ANGPT1: variants seen among roughly 807,000 people sequenced by gnomAD.
ANGPT1 encodes the protein angiopoietin-1.
Under a neutral mutation model 62.2 loss-of-function variants are expected in ANGPT1, and 17 were observed. The ratio of observed to expected loss-of-function variants is 0.27; its 90% confidence interval spans 0.19 to 0.41. ANGPT1 has a LOEUF of 0.41. Ranked by LOEUF, ANGPT1 falls within the 10% of genes least tolerant of loss-of-function variation. The pLI is 1.00. For missense variants in ANGPT1, 478 were observed against 594.9 expected (o/e 0.80, Z 2.04); for synonymous variants, 199 against 198.9 (o/e 1.00, Z 0.00).
chr8:107,267,240 A>G (rs1172845737), intron 7 of ANGPT1, among the ~76,000 whole-genome samples: 1 of 152,118 alleles, frequency 6.6e-6, no homozygotes, highest in Non-Finnish European at 1.5e-5. Flanking sequence ...GATTATTTTC[A>G]AATACAAATT....
chr8:107,372,730 C>T lies in ANGPT1; in HGVS notation c.298-25633G>A, dbSNP rs137984522. Among the ~76,000 whole-genome samples the T allele has an allele frequency of 1.7e-4, 26 of 151,902 alleles. No homozygotes were observed. In the East Asian group the frequency reaches 4.9e-3, roughly 28 times the overall value. On this transcript the variant is annotated intron_variant, in intron 1 of 8. Coordinates refer to ENST00000517746, the MANE Select transcript of ANGPT1 (RefSeq NM_001146.5). ...TGCAGGTCTATGACCATCTGTTCTC[C>T]AGTGAGGAGGAAACAACAAAAGATA...
intron 1 of ANGPT1, among the ~76,000 whole-genome samples, chr8:107,387,912 T>C (rs1816762901): frequency 6.6e-6 from 1 of 152,138 alleles, no homozygotes; most frequent in African/African-American, 2.4e-5. Context: ...TCCCAACTCC[T>C]TTCTAAATTT....
intron 7 of ANGPT1, among the ~76,000 whole-genome samples, chr8:107,280,031 C>T (rs187025365): frequency 1.8e-3 from 274 of 152,126 alleles, no homozygotes; most frequent in African/African-American, 6.5e-3. Flanking sequence ...GGCTCACATG[C>T]TGTCATGGTG....
chr8:107,495,214 T>C (rs1166620861), intron 1 of ANGPT1, among the ~76,000 whole-genome samples: 1 of 152,158 alleles, frequency 6.6e-6, no homozygotes, highest in Non-Finnish European at 1.5e-5. Context: ...ATATGCAAAT[T>C]TAAACTGACA....
chr8:107,299,391 GTATATATATATATATA>G (rs59247214), intron 5 of ANGPT1, among the ~76,000 whole-genome samples: 2 of 112,596 alleles, frequency 1.8e-5, no homozygotes, highest in Admixed American at 9.3e-5. Flanking sequence ...ATGAAGGAGT[GTATATATATATATATA>G]TATATATATA....
At chr8:107,289,469 C>T (rs1332965707) in intron 6 of ANGPT1, among the ~76,000 whole-genome samples, 1 of 152,060 alleles carries the variant, frequency 6.6e-6, no homozygotes, top group Non-Finnish European at 1.5e-5. Context: ...TCTTTTTTCA[C>T]ACAAATTATT....
intron 1 of ANGPT1, among the ~76,000 whole-genome samples, chr8:107,399,915 C>T (rs796140967): frequency 1.3e-5 from 2 of 152,074 alleles, no homozygotes; most frequent in South Asian, 2.1e-4. Flanking sequence ...ACAACTGGCC[C>T]GCATTACAGG....
chr8:107,475,003 T>C (rs1812476147), intron 1 of ANGPT1, among the ~76,000 whole-genome samples: 1 of 152,148 alleles, frequency 6.6e-6, no homozygotes, highest in Admixed American at 6.5e-5. Flanking sequence ...AAAATGGCCA[T>C]ACTGCCCAAG....
intron 4 of ANGPT1, among the ~76,000 whole-genome samples, chr8:107,312,109 G>C (rs1404546945): frequency 1.3e-5 from 2 of 149,740 alleles, no homozygotes; most frequent in Non-Finnish European, 3.0e-5. Context: ...TTGACTAAAA[G>C]GTACAACTGG....
rs12680323 is a variant in ANGPT1 at position 107,394,848 on chromosome 8, G to A, written c.298-47751C>T. On this transcript the variant is annotated intron_variant, in intron 1 of 8. Transcript: ENST00000517746. ...CTGGATAACAGCATATTAAAGCAAC[G>A]TGGAACATTAATAACTCATAAAAAT... Among the ~76,000 whole-genome samples the A allele has an allele frequency of 2.9e-3, 437 of 152,132 alleles. 8 individuals are homozygous for A. In the East Asian group the frequency reaches 0.073, roughly 25 times the overall value.
chr8:107,402,961 A>C (rs985995912), intron 1 of ANGPT1, among the ~76,000 whole-genome samples: 14 of 152,284 alleles, frequency 9.2e-5, no homozygotes, highest in African/African-American at 2.4e-4. Flanking sequence ...AGAGGATGAA[A>C]AATTGGAAAT....
chr8:107,304,655 A>G (rs2129985551), intron 4 of ANGPT1, among the ~76,000 whole-genome samples: 2 of 152,004 alleles, frequency 1.3e-5, no homozygotes, highest in South Asian at 4.1e-4. Flanking sequence ...TCTTTATGGA[A>G]ATAATTACTA....
intron 1 of ANGPT1, among the ~76,000 whole-genome samples, chr8:107,369,826 G>A (rs1400794925): frequency 3.9e-5 from 6 of 152,102 alleles, no homozygotes; most frequent in African/African-American, 9.6e-5. Flanking sequence ...ACTCCAAAAC[G>A]GTTACAATAG....
chr8:107,455,662 T>C (rs1811901062), intron 1 of ANGPT1, among the ~76,000 whole-genome samples: 1 of 152,070 alleles, frequency 6.6e-6, no homozygotes, highest in African/African-American at 2.4e-5. Context: ...TTTATAGTAA[T>C]TCCTGCCCTC....
intron 7 of ANGPT1, among the ~76,000 whole-genome samples, chr8:107,275,658 G>C (rs908059638): frequency 1.3e-5 from 2 of 152,136 alleles, no homozygotes; most frequent in Non-Finnish European, 2.9e-5. Context: ...ATACATGACT[G>C]TACTGAAATC....
At chr8:107,281,747 C>G (rs952279160) in intron 7 of ANGPT1, among the ~76,000 whole-genome samples, 1 of 152,154 alleles carries the variant, frequency 6.6e-6, no homozygotes, top group Non-Finnish European at 1.5e-5. Flanking sequence ...CATTGCACTC[C>G]AGCCTGGGCG....
chr8:107,393,100 A>G (rs1217562489), intron 1 of ANGPT1, among the ~76,000 whole-genome samples: 2 of 152,214 alleles, frequency 1.3e-5, no homozygotes, highest in African/African-American at 4.8e-5. Context: ...CTCAGAAACT[A>G]TACAATTTTC....
intron 1 of ANGPT1, among the ~76,000 whole-genome samples, chr8:107,355,733 G>A (rs1816030711): frequency 6.6e-6 from 1 of 152,008 alleles, no homozygotes. Context: ...CCTCCTCTAG[G>A]AAGCCTCTCA....
At chr8:107,497,234 C>A in intron 1 of ANGPT1, 28 bp downstream of exon 1, 5 of 1,606,270 alleles carry the variant, frequency 3.1e-6, no homozygotes, top group Non-Finnish European at 3.4e-6. Context: ...AAGGTCCGTG[C>A]TATTAGAAAC....
Sources: gnomAD v4.1 joint callset for allele counts (sites outside exome capture counted in the v4.1 genomes callset) on GRCh38, gnomAD v4.1.1 for gene constraint, MANE v1.5 for transcripts, NCBI Gene and HGNC (gene_info 2026-07-23, HGNC 2026-07-21) for gene names.